SPIB: variants seen among roughly 807,000 people sequenced by gnomAD.
The protein encoded by SPIB is transcription factor Spi-B.
A neutral mutation model predicts 31.9 loss-of-function variants in SPIB; 7 were observed. The ratio of observed to expected loss-of-function variants is 0.22; its 90% confidence interval spans 0.12 to 0.41. SPIB has a LOEUF of 0.41. SPIB is among the 10% of genes least tolerant of loss of function. SPIB has a pLI of 1.00. For missense variants in SPIB, 327 were observed against 360.2 expected (o/e 0.91, Z 0.75); for synonymous variants, 176 against 158.9 (o/e 1.11, Z -0.81).
At position 50,422,523 on chromosome 19, in the gene SPIB, C is replaced by T. The variant is rs570897237; in HGVS notation, c.102C>T (p.Tyr34=). Residue 34 remains tyrosine (Y), a synonymous_variant, in exon 3 of 6, where the codon TAC becomes TAT. Transcript: ENST00000595883. ...TGGACAGCTGCAAGCATTCCAGCTACCCTGATTCAGAGGGGGCTCCTGGTG... is the reference window on the plus strand; with the variant it reads ...TGGACAGCTGCAAGCATTCCAGCTATCCTGATTCAGAGGGGGCTCCTGGTG... The part of the protein sequence containing the change: ...YDLDSCKHSS[Y]PDSEGAPDSL... The T allele has an allele frequency of 6.8e-6, 11 of 1,614,020 alleles. No homozygotes were observed. In the African/African-American group the frequency reaches 1.3e-4, roughly 20 times the overall value.
intron 2 of SPIB, among the ~76,000 whole-genome samples, chr19:50,421,407 C>A (rs1017545410): frequency 6.6e-5 from 10 of 152,194 alleles, no homozygotes; most frequent in African/African-American, 2.4e-4. Flanking sequence ...ACTGCAACCT[C>A]AGCCTCCTGG....
At position 50,422,508 on chromosome 19, in the gene SPIB, C is replaced by T. The variant is rs753857292; in HGVS notation, c.87C>T (p.Cys29=). Residue 29 remains cysteine (C), a synonymous_variant, in exon 3 of 6, where the codon TGC becomes TGT. Coordinates refer to ENST00000595883, the MANE Select transcript of SPIB (RefSeq NM_003121.5). The part of the protein sequence containing the change: ...PDGVFYDLDS[C]KHSSYPDSEG... ...GCGTCTTCTATGACCTGGACAGCTG[C>T]AAGCATTCCAGCTACCCTGATTCAG... 7 of 1,614,044 alleles carry T rather than the reference C, an allele frequency of 4.3e-6. No individual in the cohort carries two copies. The highest frequency in any genetic ancestry group is 2.7e-5 in the African/African-American group (2 of 75,038).
At position 50,423,703 on chromosome 19, in the gene SPIB, C is replaced by T. The variant is rs765431943; in HGVS notation, c.438C>T (p.Ser146=). 2.4e-5 allele frequency: 39 copies of T among 1,613,288 alleles called. No individual in the cohort carries two copies. The Admixed American group carries it at 4.0e-4, about 17-fold the overall frequency. The change falls in exon 5 of 6, where the codon AGC becomes AGT. Residue 146 remains serine, a synonymous_variant. Transcript: ENST00000595883. ...GCCCTGCCCTGGAGGTCTCGGACAG[C>T]GAGTCGGATGAGGCCCTCGTGGCTG... ...LDSPALEVSD[S]ESDEALVAGP...
chr19:50,418,971 C>A lies in SPIB; in HGVS notation c.9C>A (p.Ala3=), dbSNP rs1009067506. Residue 3 remains alanine, a synonymous_variant, in exon 1 of 6, where the codon GCC becomes GCA. Coordinates refer to ENST00000595883, the MANE Select transcript of SPIB (RefSeq NM_003121.5). The surrounding 1 kb of genome is among the most constrained non-coding windows in gnomAD (Gnocchi z 6.0). ML[A]LEAAQLDGPH... is the part of the protein sequence containing the mutation. ...GCCCGCCCGGCACCACCATGCTCGC[C>A]CTGGAGGCTGCACAGTAAGTGAGGG... 1.0e-5 allele frequency: 16 copies of A among 1,554,156 alleles called. No individual in the cohort carries two copies. The highest frequency in any genetic ancestry group is 1.3e-5 in the Non-Finnish European group (15 of 1,149,092).
chr19:50,423,642 C>T lies in SPIB; in HGVS notation c.377C>T (p.Pro126Leu). ...VPPAYAPYPS[P>L]VLSEEEDLPL... The stretch of plus-strand genomic sequence containing the variant: ...CCGGCATATGCCCCGTACCCCAGCC[C>T]TGTGCTATCAGAGGAGGAAGACTTA... The change falls in exon 5 of 6, where the codon CCT (proline) becomes CTT (leucine). Residue 126 changes from proline (P) to leucine (L), a missense_variant. Coordinates refer to ENST00000595883, the MANE Select transcript of SPIB (RefSeq NM_003121.5). 6.2e-7 allele frequency: 1 copy of T among 1,614,128 alleles called. No homozygotes were observed. The highest frequency in any genetic ancestry group is 8.5e-7 in the Non-Finnish European group (1 of 1,180,022).
chr19:50,419,947 C>A lies in SPIB; in HGVS notation c.25C>A (p.Leu9Ile). 1.3e-6 allele frequency: 2 copies of A among 1,526,656 alleles called. No homozygotes were observed. Among genetic ancestry groups the A allele is most frequent in the South Asian group, 1.3e-5 (1 of 78,082 alleles). 94.6% of individuals were successfully genotyped at this position (1,526,656 alleles called of 1,614,324 possible). The change falls in exon 2 of 6, where the codon CTC (leucine) becomes ATC (isoleucine). Residue 9 changes from leucine (L) to isoleucine (I), a missense_variant and splice_region_variant. This residue lies in a region of SPIB where 238 missense variants were observed against 228.8 expected (regional missense o/e 1.04). Transcript: ENST00000595883. ...GCCCCTGTGTCTCTCCCCCTCCAGG[C>A]TCGACGGGCCACACTTCAGCTGTCT... MLALEAAQLDGPHFSCLYP... is the reference protein window; with the variant it reads MLALEAAQIDGPHFSCLYP...
At position 50,428,151 on chromosome 19, in the gene SPIB, T is replaced by C. The variant is rs1409378074; in HGVS notation, c.604T>C (p.Ser202Pro). 1.3e-6 allele frequency: 2 copies of C among 1,588,506 alleles called. No individual in the cohort carries two copies. The highest frequency in any genetic ancestry group is 2.3e-5 in the East Asian group (1 of 43,882). ...AGGCGCCGGCGTCTTCCAGTTCTCCTCCAAGCACAAGGAACTCCTGGCGCG... is the reference window on the plus strand; with the variant it reads ...AGGCGCCGGCGTCTTCCAGTTCTCCCCCAAGCACAAGGAACTCCTGGCGCG... ...EPGAGVFQFS[S>P]KHKELLARRW... is the part of the protein sequence containing the mutation. The change falls in exon 6 of 6, where the codon TCC becomes CCC. Residue 202 changes from serine to proline, a missense_variant. Transcript: ENST00000595883. The surrounding 1 kb of genome is among the most constrained non-coding windows in gnomAD (Gnocchi z 6.5).
At chr19:50,421,661 C>G (rs1486356143) in intron 2 of SPIB, among the ~76,000 whole-genome samples, 1 of 151,888 alleles carries the variant, frequency 6.6e-6, no homozygotes, top group Non-Finnish European at 1.5e-5. Flanking sequence ...GTCACCCAGG[C>G]TGGAGTGCAG....
intron 5 of SPIB, among the ~76,000 whole-genome samples, chr19:50,426,553 A>C (rs56204470): frequency 8.7e-4 from 133 of 152,014 alleles, no homozygotes; most frequent in Non-Finnish European, 1.3e-3. Context: ...GAGTGCAATG[A>C]TATGATTTCA....
In SPIB at chr19:50,428,329, G is replaced by C; in HGVS notation, c.782G>C (p.Arg261Pro). The C allele has an allele frequency of 6.5e-7, 1 of 1,544,388 alleles. No homozygotes were observed. The highest frequency in any genetic ancestry group is 8.7e-7 in the Non-Finnish European group (1 of 1,143,038). The change falls in exon 6 of 6, where the codon CGG becomes CCG. Residue 261 changes from arginine to proline, a missense_variant. Arg to Pro is a moderately radical substitution (Grantham distance 103). Coordinates refer to ENST00000595883, the MANE Select transcript of SPIB (RefSeq NM_003121.5). The surrounding 1 kb of genome is among the most constrained non-coding windows in gnomAD (Gnocchi z 6.5). ...FDSALLPAVR[R>P]A ...AGCGCGCTGCTGCCTGCAGTCCGCC[G>C]GGCCTGAGCACACCCGAGGCTCCCA...
At chr19:50,426,734 A>G (rs1056834160) in intron 5 of SPIB, among the ~76,000 whole-genome samples, 1 of 152,016 alleles carries the variant, frequency 6.6e-6, no homozygotes, top group African/African-American at 2.4e-5. Flanking sequence ...ACCTCAAGTG[A>G]TCTGCCCACC....
At position 50,419,946 on chromosome 19, in the gene SPIB, G is replaced by T; in HGVS notation, c.24G>T (p.Gln8His). 1 of 1,527,256 alleles carries T rather than the reference G, an allele frequency of 6.5e-7. No homozygotes were observed. The highest frequency in any genetic ancestry group is 1.4e-5 in the African/African-American group (1 of 69,354). 94.6% of individuals were successfully genotyped at this position (1,527,256 alleles called of 1,614,324 possible). A position where few individuals can be genotyped will look rare whatever the true frequency, so the allele number is the denominator to read the frequency against. ...TGCCCCTGTGTCTCTCCCCCTCCAG[G>T]CTCGACGGGCCACACTTCAGCTGTC... The part of the protein sequence containing the change: MLALEAA[Q>H]LDGPHFSCLY... The change falls in exon 2 of 6, where the codon CAG (glutamine) becomes CAT (histidine). Residue 8 changes from glutamine (Q) to histidine (H), a missense_variant and splice_region_variant. Gln to His is a conservative substitution (Grantham distance 24). Coordinates refer to ENST00000595883, the MANE Select transcript of SPIB (RefSeq NM_003121.5).
intron 4 of SPIB, 182 bp downstream of exon 4, chr19:50,423,219 AAAAG>A: frequency 4.3e-6 from 2 of 462,856 alleles, no homozygotes; most frequent in Non-Finnish European, 3.8e-6. Context: ...AAAAAAAAAA[AAAAG>A]AAAAAGAAAA....
chr19:50,422,145 A>G (rs1314113658), intron 2 of SPIB, among the ~76,000 whole-genome samples: 1 of 152,162 alleles, frequency 6.6e-6, no homozygotes, highest in Non-Finnish European at 1.5e-5. Flanking sequence ...CAGGCAGGCA[A>G]GGCTGGGGGA....
In SPIB at chr19:50,419,937, C is replaced by A; in HGVS notation, c.24-9C>A. 1 of 1,537,814 alleles carries A rather than the reference C, an allele frequency of 6.5e-7. No homozygotes were observed. The highest frequency in any genetic ancestry group is 1.2e-5 in the South Asian group (1 of 80,232). ...GCCTCAGCATGCCCCTGTGTCTCTCCCCCTCCAGGCTCGACGGGCCACACT... is the reference window on the plus strand; with the variant it reads ...GCCTCAGCATGCCCCTGTGTCTCTCACCCTCCAGGCTCGACGGGCCACACT... On this transcript the variant is annotated splice_polypyrimidine_tract_variant and intron_variant, in intron 1 of 5. Coordinates refer to ENST00000595883, the MANE Select transcript of SPIB (RefSeq NM_003121.5).
chr19:50,425,367 A>G (rs1170011236), intron 5 of SPIB, among the ~76,000 whole-genome samples: 1 of 152,172 alleles, frequency 6.6e-6, no homozygotes, highest in Non-Finnish European at 1.5e-5. Flanking sequence ...CACCTATTTT[A>G]ACTTAGGACA....
chr19:50,424,741 A>G (rs1053483072), intron 5 of SPIB, among the ~76,000 whole-genome samples: 1 of 151,962 alleles, frequency 6.6e-6, no homozygotes, highest in African/African-American at 2.4e-5. Context: ...AGATCTTGCC[A>G]CTGCAGTCCA....
chr19:50,423,481 C>A, intron 4 of SPIB, 124 bp from the exon 5 acceptor site: 1 of 1,376,418 alleles, frequency 7.3e-7, no homozygotes, highest in South Asian at 1.4e-5. Flanking sequence ...GAACAAAGGC[C>A]AAAATCTAGG....
intron 5 of SPIB, among the ~76,000 whole-genome samples, chr19:50,425,319 G>A (rs2039551725): frequency 6.6e-6 from 1 of 152,112 alleles, no homozygotes; most frequent in Non-Finnish European, 1.5e-5. Flanking sequence ...AGCCTCATTT[G>A]TGGCTGAGAG....
Sources: allele counts gnomAD v4.1 joint callset (sites outside exome capture counted in the v4.1 genomes callset), GRCh38; gene constraint gnomAD v4.1.1; regional missense constraint gnomAD v4.1.1; non-coding constraint Gnocchi (gnomAD v3.1); transcripts MANE v1.5; gene names NCBI Gene and HGNC (gene_info 2026-07-23, HGNC 2026-07-21).